ARK2C: variants seen among roughly 807,000 people sequenced by gnomAD.
The protein encoded by ARK2C is arkadia (RNF111) C-terminal like ring finger ubiquitin ligase 2C, also known as E3 ubiquitin-protein ligase ARK2C.
chr18:46,405,144 C>T, the ARK2C span, among the ~76,000 whole-genome samples: 1 of 152,102 alleles, frequency 6.6e-6, no homozygotes, highest in Non-Finnish European at 1.5e-5. Context: ...CTATGGTGTA[C>T]AGTGTGGCAT....
the ARK2C span, among the ~76,000 whole-genome samples, chr18:46,399,464 C>T: frequency 1.7e-3 from 252 of 152,324 alleles, no homozygotes; most frequent in African/African-American, 5.8e-3. Context: ...CACGTGACCT[C>T]CTGTGAGGAG....
chr18:46,363,089 C>A, the ARK2C span, among the ~76,000 whole-genome samples: 1 of 152,172 alleles, frequency 6.6e-6, no homozygotes, highest in Admixed American at 6.5e-5. Flanking sequence ...GCTATATCCC[C>A]ATTGTCTGGC....
the ARK2C span, among the ~76,000 whole-genome samples, chr18:46,449,524 T>C: frequency 3.9e-5 from 6 of 152,192 alleles, no homozygotes; most frequent in Non-Finnish European, 8.8e-5. Flanking sequence ...GGTTTGGCTC[T>C]GTATCCCCAC....
At chr18:46,454,110 CAAAAAAAA>C in the ARK2C span, among the ~76,000 whole-genome samples, 23 of 16,632 alleles carry the variant, frequency 1.4e-3, no homozygotes, top group African/African-American at 3.1e-3. Flanking sequence ...AAGGCCGTCT[CAAAAAAAA>C]AAAAAAAAAA....
chr18:46,376,463 G>A, the ARK2C span, among the ~76,000 whole-genome samples: 2 of 152,140 alleles, frequency 1.3e-5, no homozygotes, highest in African/African-American at 4.8e-5. Flanking sequence ...AACAGAAGAT[G>A]CAGCCTCTTG....
At chr18:46,401,037 C>G in the ARK2C span, among the ~76,000 whole-genome samples, 8 of 152,078 alleles carry the variant, frequency 5.3e-5, no homozygotes, top group African/African-American at 1.9e-4. Flanking sequence ...AGGCCAGACC[C>G]CCTCCCCATA....
the ARK2C span, among the ~76,000 whole-genome samples, chr18:46,397,629 AG>A: frequency 5.7e-4 from 37 of 64,620 alleles, no homozygotes; most frequent in Non-Finnish European, 9.3e-4. Context: ...CTGAGGTGTG[AG>A]GGTGTGTGTG....
the ARK2C span, among the ~76,000 whole-genome samples, chr18:46,385,138 A>G: frequency 6.6e-6 from 1 of 152,202 alleles, no homozygotes; most frequent in Non-Finnish European, 1.5e-5. Flanking sequence ...TGCTTACCAC[A>G]CTGGTGCCAG....
At chr18:46,394,348 C>T in the ARK2C span, among the ~76,000 whole-genome samples, 17 of 152,316 alleles carry the variant, frequency 1.1e-4, no homozygotes, top group South Asian at 2.9e-3. Context: ...AGAGCTCCCT[C>T]CTTCTAGCTT....
the ARK2C span, among the ~76,000 whole-genome samples, chr18:46,397,165 C>T: frequency 6.6e-6 from 1 of 152,186 alleles, no homozygotes; most frequent in Non-Finnish European, 1.5e-5. Context: ...TGCACTCCAA[C>T]TTGGAGGAGG....
the ARK2C span, among the ~76,000 whole-genome samples, chr18:46,385,519 C>T: frequency 6.6e-6 from 1 of 152,318 alleles, no homozygotes; most frequent in South Asian, 2.1e-4. Context: ...AGAGAACAGG[C>T]TCTGGAGCTC....
the ARK2C span, chr18:46,336,146 C>T: frequency 2.0e-6 from 2 of 985,248 alleles, no homozygotes; most frequent in Non-Finnish European, 2.4e-6. Flanking sequence ...TCTCTTATTA[C>T]TTGGCATTTC....
At chr18:46,347,928 C>G in the ARK2C span, among the ~76,000 whole-genome samples, 1 of 152,100 alleles carries the variant, frequency 6.6e-6, no homozygotes, top group Non-Finnish European at 1.5e-5. Context: ...AGGCCCCGTG[C>G]AGGCATGGGG....
the ARK2C span, among the ~76,000 whole-genome samples, chr18:46,436,641 C>T: frequency 2.6e-5 from 4 of 152,290 alleles, no homozygotes; most frequent in African/African-American, 9.6e-5. Context: ...GCTATGGGAG[C>T]TTCTAGGTGC....
the ARK2C span, among the ~76,000 whole-genome samples, chr18:46,405,426 G>A: frequency 6.6e-6 from 1 of 152,312 alleles, no homozygotes; most frequent in South Asian, 2.1e-4. Context: ...GGAACAGTGA[G>A]GTGCTACAGC....
chr18:46,421,809 C>T, the ARK2C span, among the ~76,000 whole-genome samples: 1 of 152,150 alleles, frequency 6.6e-6, no homozygotes. Flanking sequence ...AGTCCCCTCC[C>T]ATCAGTGTTT....
chr18:46,367,817 G>C, the ARK2C span, among the ~76,000 whole-genome samples: 1 of 152,226 alleles, frequency 6.6e-6, no homozygotes, highest in African/African-American at 2.4e-5. Context: ...AATCACTTCA[G>C]TGCTTGAGAC....
the ARK2C span, among the ~76,000 whole-genome samples, chr18:46,357,114 A>G: frequency 6.6e-6 from 1 of 152,194 alleles, no homozygotes; most frequent in African/African-American, 2.4e-5. Flanking sequence ...TCAAGTATGA[A>G]CTCGTTGTTT....
chr18:46,357,045 C>T, the ARK2C span, among the ~76,000 whole-genome samples: 1 of 152,138 alleles, frequency 6.6e-6, no homozygotes, highest in African/African-American at 2.4e-5. Context: ...CATTCCCAGG[C>T]CCTACACCAG....
Sources: allele counts gnomAD v4.1 joint callset (sites outside exome capture counted in the v4.1 genomes callset), GRCh38; gene constraint gnomAD v4.1.1; transcripts MANE v1.5; gene names NCBI Gene and HGNC (gene_info 2026-07-23, HGNC 2026-07-21).